CLASP1: variants seen among roughly 807,000 people sequenced by gnomAD.
The protein encoded by CLASP1 is CLIP-associating protein 1.
In CLASP1, 38 loss-of-function variants were observed where a neutral mutation model predicts 192.3. The ratio of observed to expected loss-of-function variants is 0.20; its 90% CI spans 0.15 to 0.26. The LOEUF is 0.26. Among genes scored for constraint, CLASP1 ranks in the 10% least tolerant of loss-of-function variants. The pLI, the probability that CLASP1 is intolerant of heterozygous loss-of-function variation, is 1.00. For synonymous variants in CLASP1, 691 were observed against 712.8 expected (o/e 0.97, Z 0.49); for missense variants, 1,433 against 1,932.5 (o/e 0.74, Z 4.85).
intron 8 of CLASP1, among the ~76,000 whole-genome samples, chr2:121,486,292 T>G (rs2092966595): frequency 6.6e-6 from 1 of 152,184 alleles, no homozygotes; most frequent in Admixed American, 6.5e-5. Context: ...TTTTATTATT[T>G]CATGGCAAAG....
At chr2:121,440,452 C>A (rs2083117317) in intron 19 of CLASP1, among the ~76,000 whole-genome samples, 3 of 152,218 alleles carry the variant, frequency 2.0e-5, no homozygotes, top group Admixed American at 1.3e-4. Context: ...GTAATCCCAG[C>A]ACTTTGGGAG....
chr2:121,605,626 T>C, intron 2 of CLASP1, 75 bp downstream of exon 2: 1 of 1,119,704 alleles, frequency 8.9e-7, no homozygotes, highest in South Asian at 1.3e-5. Flanking sequence ...TCACAAGGGA[T>C]TTTTATAAGG....
At chr2:121,635,722 A>G (rs2070717258) in intron 1 of CLASP1, among the ~76,000 whole-genome samples, 1 of 152,248 alleles carries the variant, frequency 6.6e-6, no homozygotes, top group South Asian at 2.1e-4. Context: ...GAATTTTCTA[A>G]TGCTGTTTAT....
At chr2:121,540,452 A>ACTT (rs2095205984) in intron 2 of CLASP1, among the ~76,000 whole-genome samples, 1 of 152,068 alleles carries the variant, frequency 6.6e-6, no homozygotes, top group Non-Finnish European at 1.5e-5. Context: ...AGTGTGGGCA[A>ACTT]GATAGTGAGA....
intron 2 of CLASP1, among the ~76,000 whole-genome samples, chr2:121,593,641 A>G (rs1303206277): frequency 2.0e-5 from 3 of 150,984 alleles, no homozygotes; most frequent in Non-Finnish European, 4.4e-5. Flanking sequence ...AAAAAAAAAA[A>G]AAAAGGAAAC....
intron 2 of CLASP1, among the ~76,000 whole-genome samples, chr2:121,587,784 T>C (rs932651735): frequency 1.3e-5 from 2 of 149,802 alleles, no homozygotes; most frequent in African/African-American, 4.9e-5. Context: ...TGAGCTGAGA[T>C]CGCACCACTG....
At chr2:121,347,859 T>C (rs1021715046) in intron 38 of CLASP1, among the ~76,000 whole-genome samples, 1 of 152,184 alleles carries the variant, frequency 6.6e-6, no homozygotes, top group Non-Finnish European at 1.5e-5. Context: ...TTAAATGTGA[T>C]GCTAACTCCT....
rs764150069 is a variant in CLASP1 at position 121,382,231 on chromosome 2, A to G, written c.3468T>C (p.Ala1156=). The change falls in exon 33 of 40, where the codon GCT becomes GCC. Residue 1156 remains alanine, a synonymous_variant. Transcript: ENST00000263710. ...ACCTGGGAGAGTAAGAGCGCCTGAG[A>G]GCCTTGTGGGAGGGAGCGGTGGGGA... 1.1e-5 allele frequency: 17 copies of G among 1,609,460 alleles called. 1 individual carries two copies. The Admixed American group carries it at 2.9e-4, about 27-fold the overall frequency.
intron 34 of CLASP1, among the ~76,000 whole-genome samples, chr2:121,377,032 C>T (rs191536295): frequency 1.6e-4 from 25 of 152,266 alleles, no homozygotes; most frequent in East Asian, 1.4e-3. Context: ...ACACAATAAA[C>T]GTAATGTGCT....
intron 22 of CLASP1, among the ~76,000 whole-genome samples, chr2:121,420,561 C>T (rs912352373): frequency 6.6e-6 from 1 of 152,178 alleles, no homozygotes; most frequent in Non-Finnish European, 1.5e-5. Flanking sequence ...GGAAAAAGAA[C>T]ACGTCCCCTC....
Position 121,340,822 on chromosome 2 carries a change from C to T in CLASP1, c.*39G>A, listed in dbSNP as rs780974228. The T allele has an allele frequency of 1.7e-5, 25 of 1,511,804 alleles. No homozygotes were observed. In the Admixed American group the frequency reaches 1.8e-4, roughly 11 times the overall value. The allele number at this position is 1,511,804 out of a possible 1,614,324, so 93.6% of individuals were successfully genotyped here. A position where few individuals can be genotyped will look rare whatever the true frequency, so the allele number is the denominator to read the frequency against. On this transcript the variant is annotated 3_prime_UTR_variant, in exon 40 of 40. Transcript: ENST00000263710. ...GGGAAAGGTCTCTGAGAGGCACCAC[C>T]GATTGCTTCTAGGTCTACACAAGAG...
intron 8 of CLASP1, among the ~76,000 whole-genome samples, chr2:121,483,468 G>C (rs929322720): frequency 6.6e-6 from 1 of 151,852 alleles, no homozygotes; most frequent in Non-Finnish European, 1.5e-5. Flanking sequence ...GTGTGTGTGT[G>C]TGTATATATG....
At chr2:121,457,411 TCTC>T (rs2086900947) in intron 14 of CLASP1, among the ~76,000 whole-genome samples, 2 of 151,644 alleles carry the variant, frequency 1.3e-5, no homozygotes, top group South Asian at 4.2e-4. Flanking sequence ...CCTCTCCCCT[TCTC>T]CTTCTGCCAC....
chr2:121,424,514 C>T (rs1189795649), intron 22 of CLASP1, among the ~76,000 whole-genome samples: 1 of 152,078 alleles, frequency 6.6e-6, no homozygotes, highest in Non-Finnish European at 1.5e-5. Flanking sequence ...AAAAAGTTAG[C>T]GTATGAATTA....
intron 6 of CLASP1, among the ~76,000 whole-genome samples, chr2:121,524,898 C>T (rs1008026735): frequency 3.3e-5 from 5 of 152,054 alleles, no homozygotes; most frequent in Admixed American, 1.3e-4. Flanking sequence ...AAGGGAGAGA[C>T]GCCTGCTGCT....
At chr2:121,640,336 T>C (rs577922745) in intron 1 of CLASP1, among the ~76,000 whole-genome samples, 54 of 152,212 alleles carry the variant, frequency 3.5e-4, no homozygotes, top group Non-Finnish European at 6.6e-4. Flanking sequence ...AGCCTGCACG[T>C]TGTGCACATG....
rs189025293 is a variant in CLASP1 at position 121,465,467 on chromosome 2, T to C, written c.866-2862A>G. Reference sequence around the variant, plus strand: ...ACCTAGGAATCCAACTTAAAAGGGATGTGAAGGACCTCTTTAAGGAGAACT... The same window carrying C: ...ACCTAGGAATCCAACTTAAAAGGGACGTGAAGGACCTCTTTAAGGAGAACT... On this transcript the variant is annotated intron_variant, in intron 9 of 39. Coordinates refer to ENST00000263710, the Ensembl canonical transcript of CLASP1. 2.9e-3 allele frequency among the ~76,000 whole-genome samples: 448 copies of C among 152,266 alleles called. 10 individuals carry two copies. Among genetic ancestry groups the C allele is most frequent in the Non-Finnish European group, 6.6e-4 (45 of 68,030 alleles).
chr2:121,466,333 T>C, intron 9 of CLASP1, among the ~76,000 whole-genome samples: 1 of 152,222 alleles, frequency 6.6e-6, no homozygotes, highest in Non-Finnish European at 1.5e-5. Flanking sequence ...ACAGCTCCTC[T>C]ATCACAGATG....
chr2:121,495,491 T>C (rs888420909), intron 8 of CLASP1, among the ~76,000 whole-genome samples: 2 of 150,874 alleles, frequency 1.3e-5, no homozygotes, highest in African/African-American at 4.9e-5. Context: ...TGAAACCCCG[T>C]CTCTACTAAA....
Sources: gnomAD v4.1 joint callset for allele counts (sites outside exome capture counted in the v4.1 genomes callset) on GRCh38, gnomAD v4.1.1 for gene constraint, MANE v1.5 for transcripts, NCBI Gene and HGNC (gene_info 2026-07-23, HGNC 2026-07-21) for gene names.